SHLD1: variants seen among roughly 807,000 people sequenced by gnomAD.
SHLD1 encodes shieldin complex subunit 1.
In SHLD1, 3 loss-of-function variants were observed where a neutral mutation model predicts 5.5. The observed-to-expected ratio is 0.54, with a 90% CI of 0.25 to 1.40. The LOEUF is 1.40. Ranked by LOEUF, SHLD1 falls within the 40% of genes most tolerant of loss-of-function variation. The pLI is 0.15. For synonymous variants in SHLD1, 92 were observed against 94.3 expected (o/e 0.98, Z 0.14); for missense variants, 210 against 244.4 (o/e 0.86, Z 0.94).
intron 2 of SHLD1, among the ~76,000 whole-genome samples, chr20:5,849,988 A>G (rs2087984633): frequency 1.4e-5 from 2 of 146,606 alleles, no homozygotes; most frequent in East Asian, 4.1e-4. Context: ...AAAAAAAAAA[A>G]ATTCATTGAG....
chr20:5,862,453 C>T (rs918138133), intron 2 of SHLD1, among the ~76,000 whole-genome samples: 11 of 152,248 alleles, frequency 7.2e-5, no homozygotes, highest in African/African-American at 2.2e-4. Flanking sequence ...TGCACACGCA[C>T]GGATCTCTAG....
At chr20:5,838,265 A>G (rs763652186) in intron 2 of SHLD1, among the ~76,000 whole-genome samples, 1 of 152,250 alleles carries the variant, frequency 6.6e-6, no homozygotes, top group Non-Finnish European at 1.5e-5. Flanking sequence ...ACATTATCAT[A>G]TATGAGCATA....
intron 2 of SHLD1, among the ~76,000 whole-genome samples, chr20:5,852,218 G>A (rs548724266): frequency 3.3e-5 from 5 of 152,194 alleles, no homozygotes; most frequent in Admixed American, 6.5e-5. Context: ...ACACAAGAAC[G>A]GACTAATACA....
intron 2 of SHLD1, among the ~76,000 whole-genome samples, chr20:5,811,201 G>T (rs1052839650): frequency 6.6e-6 from 1 of 152,144 alleles, no homozygotes; most frequent in South Asian, 2.1e-4. Flanking sequence ...AGCTCAGAGA[G>T]ATGTCCCAGG....
At chr20:5,780,197 T>G (rs939225754) in intron 2 of SHLD1, among the ~76,000 whole-genome samples, 1 of 152,106 alleles carries the variant, frequency 6.6e-6, no homozygotes, top group African/African-American at 2.4e-5. Context: ...CAGTCTGGTC[T>G]CAAACTCCTG....
intron 2 of SHLD1, among the ~76,000 whole-genome samples, chr20:5,773,642 T>G (rs1482259665): frequency 6.6e-6 from 1 of 152,166 alleles, no homozygotes; most frequent in African/African-American, 2.4e-5. Context: ...TGGATTTATT[T>G]ATTTATTCAT....
chr20:5,853,037 T>C (rs1282144714), intron 2 of SHLD1, among the ~76,000 whole-genome samples: 1 of 152,200 alleles, frequency 6.6e-6, no homozygotes, highest in Non-Finnish European at 1.5e-5. Context: ...CTATTGTGTA[T>C]TAAAGGTTTA....
intron 2 of SHLD1, among the ~76,000 whole-genome samples, chr20:5,856,715 T>C (rs1001040818): frequency 6.6e-6 from 1 of 152,244 alleles, no homozygotes; most frequent in African/African-American, 2.4e-5. Flanking sequence ...CTGGTTCACC[T>C]TGTCATTTTC....
intron 1 of SHLD1, among the ~76,000 whole-genome samples, chr20:5,766,646 G>T (rs1984844440): frequency 6.6e-6 from 1 of 152,104 alleles, no homozygotes; most frequent in African/African-American, 2.4e-5. Context: ...TGCCTCATAG[G>T]GTTGTGACAG....
rs1167132528 is a variant in SHLD1 at position 5,773,054 on chromosome 20, G to A, written c.178+11G>A. The A allele has an allele frequency of 6.2e-7, 1 of 1,613,996 alleles. No individual in the cohort carries two copies. Among genetic ancestry groups the A allele is most frequent in the Non-Finnish European group, 8.5e-7 (1 of 1,179,948 alleles). On this transcript the variant is annotated intron_variant, in intron 2 of 2. Coordinates refer to ENST00000303142, the MANE Select transcript of SHLD1 (RefSeq NM_152504.4). ...CTGATGTGGATCCAGGTAATAAGCA[G>A]AGTTTAAAACAAACTAACTTAAAAA...
chr20:5,847,181 G>A (rs1243361643), intron 2 of SHLD1, among the ~76,000 whole-genome samples: 6 of 152,018 alleles, frequency 3.9e-5, no homozygotes, highest in Non-Finnish European at 7.4e-5. Flanking sequence ...CCTTTTCTGT[G>A]TTCTAATTGC....
chr20:5,753,395 GC>G (rs1315557500), intron 1 of SHLD1, among the ~76,000 whole-genome samples: 1 of 152,064 alleles, frequency 6.6e-6, no homozygotes, highest in Non-Finnish European at 1.5e-5. Flanking sequence ...TCCCACCTCG[GC>G]CTTCCAAAGT....
intron 2 of SHLD1, among the ~76,000 whole-genome samples, chr20:5,831,402 A>G (rs1045371802): frequency 1.6e-4 from 25 of 152,200 alleles, no homozygotes; most frequent in African/African-American, 5.5e-4. Context: ...TCAAAAGAGC[A>G]TAGTTTAGCG....
chr20:5,862,925 T>C, intron 2 of SHLD1, 99 bp from the exon 3 acceptor site: 1 of 1,044,348 alleles, frequency 9.6e-7, no homozygotes, highest in Non-Finnish European at 1.4e-6. Flanking sequence ...TCAGGAACAG[T>C]AAGCATGTTG....
chr20:5,787,118 A>G (rs1208648352), intron 2 of SHLD1, among the ~76,000 whole-genome samples: 1 of 152,212 alleles, frequency 6.6e-6, no homozygotes, highest in African/African-American at 2.4e-5. Context: ...CCTTTCTCCC[A>G]TCAATCAATC....
At chr20:5,795,764 G>A (rs1210600569) in intron 2 of SHLD1, among the ~76,000 whole-genome samples, 4 of 151,752 alleles carry the variant, frequency 2.6e-5, no homozygotes, top group Non-Finnish European at 2.9e-5. Flanking sequence ...GGTGGATCAC[G>A]AGGTCAGGAG....
intron 2 of SHLD1, among the ~76,000 whole-genome samples, chr20:5,821,246 C>T (rs1219063669): frequency 6.6e-6 from 1 of 152,034 alleles, no homozygotes; most frequent in Non-Finnish European, 1.5e-5. Context: ...GTGGTGGTGG[C>T]TCACGCCTAT....
At chr20:5,755,446 C>T (rs909903065) in intron 1 of SHLD1, among the ~76,000 whole-genome samples, 9 of 152,160 alleles carry the variant, frequency 5.9e-5, no homozygotes, top group African/African-American at 1.9e-4. Flanking sequence ...ACAGTTTCAT[C>T]CCAAAACCGT....
chr20:5,807,562 G>C (rs1008113519), intron 2 of SHLD1, among the ~76,000 whole-genome samples: 1 of 152,022 alleles, frequency 6.6e-6, no homozygotes, highest in Non-Finnish European at 1.5e-5. Context: ...TTGTAGAGTT[G>C]AGGTCTCGTC....
Sources: allele counts gnomAD v4.1 joint callset (sites outside exome capture counted in the v4.1 genomes callset), GRCh38; gene constraint gnomAD v4.1.1; transcripts MANE v1.5; gene names NCBI Gene and HGNC (gene_info 2026-07-23, HGNC 2026-07-21).